CYP20A1: variants seen among roughly 807,000 people sequenced by gnomAD.
The protein encoded by CYP20A1 is cytochrome P450 20A1.
In CYP20A1, 61 loss-of-function variants were observed where a neutral mutation model predicts 61.4. That is an observed-to-expected ratio of 0.99 (90% CI 0.81 to 1.23). The LOEUF (loss-of-function observed/expected upper bound fraction) is 1.23, where lower values mean the gene tolerates loss of function less well. CYP20A1 is among the 50% of genes most tolerant of loss of function. CYP20A1 has a pLI of 0.00. For synonymous variants in CYP20A1, 193 were observed against 188.2 expected (o/e 1.03, Z -0.21); for missense variants, 530 against 542.4 (o/e 0.98, Z 0.23).
At chr2:203,244,819 G>A (rs891330817) in intron 1 of CYP20A1, among the ~76,000 whole-genome samples, 4 of 147,110 alleles carry the variant, frequency 2.7e-5, no homozygotes, top group East Asian at 4.0e-4. Context: ...TGCAAGCTCC[G>A]CCTCCCAGGT....
In CYP20A1 at chr2:203,305,194, C is replaced by A. The variant is rs200824254; in HGVS notation, c.*8286C>A. On this transcript the variant is annotated 3_prime_UTR_variant, in exon 13 of 13. Transcript: ENST00000356079. ...AATTGGTTTACAGTTCGGTGGCTGT[C>A]TTTTTTTTTTTTTTTTTTTTTTTTT... is the stretch of plus-strand genomic sequence containing the variant. Among the ~76,000 whole-genome samples, 1 of 56,896 alleles carries A rather than the reference C, an allele frequency of 1.8e-5. No homozygotes were observed. Among genetic ancestry groups the A allele is most frequent in the Non-Finnish European group, 2.9e-5 (1 of 34,110 alleles). The allele number at this position is 56,896 out of a possible 152,430, so 37.3% of individuals were successfully genotyped here.
intron 4 of CYP20A1, among the ~76,000 whole-genome samples, chr2:203,264,839 C>T (rs2067264310): frequency 6.6e-6 from 1 of 152,108 alleles, no homozygotes; most frequent in Non-Finnish European, 1.5e-5. Context: ...ATGCCATTCT[C>T]CTGCCTCAGC....
rs2068926266 is a variant in CYP20A1 at position 203,299,126 on chromosome 2, A to G, written c.*2218A>G. 6.6e-6 allele frequency among the ~76,000 whole-genome samples: 1 copy of G among 152,182 alleles called. No individual in the cohort carries two copies. The highest frequency in any genetic ancestry group is 2.4e-5 in the African/African-American group (1 of 41,460). On this transcript the variant is annotated 3_prime_UTR_variant, in exon 13 of 13. Coordinates refer to ENST00000356079, the MANE Select transcript of CYP20A1 (RefSeq NM_177538.3). Reference sequence around the variant, plus strand: ...TAATACTTTACTGATAGCATTGTATATTAGTCCAACTTTTTTGGCTACACT... The same window carrying G: ...TAATACTTTACTGATAGCATTGTATGTTAGTCCAACTTTTTTGGCTACACT...
intron 1 of CYP20A1, among the ~76,000 whole-genome samples, chr2:203,245,591 G>T (rs529966395): frequency 6.6e-5 from 10 of 152,062 alleles, no homozygotes; most frequent in Non-Finnish European, 1.5e-4. Flanking sequence ...AGAACATGTA[G>T]TATTTGATTT....
At chr2:203,285,315 T>C (rs2068219649) in intron 8 of CYP20A1, among the ~76,000 whole-genome samples, 1 of 152,148 alleles carries the variant, frequency 6.6e-6, no homozygotes, top group Admixed American at 6.6e-5. Context: ...TTATTTATTA[T>C]CATAACTATT....
At position 203,303,250 on chromosome 2, in the gene CYP20A1, A is replaced by G. The variant is rs2069093315; in HGVS notation, c.*6342A>G. Among the ~76,000 whole-genome samples, 1 of 149,216 alleles carries G rather than the reference A, an allele frequency of 6.7e-6. No homozygotes were observed. On this transcript the variant is annotated 3_prime_UTR_variant, in exon 13 of 13. Transcript: ENST00000356079. ...GAACTCCTAACCTCAGGTGATTCAC[A>G]CCCCTTGGCCTCCTGAAGTGCTGGG...
At chr2:203,283,440 A>G (rs1422139237) in intron 8 of CYP20A1, among the ~76,000 whole-genome samples, 7 of 150,370 alleles carry the variant, frequency 4.7e-5, no homozygotes, top group East Asian at 2.0e-4. Context: ...CTGATCTCGA[A>G]CTCCTGACCT....
chr2:203,268,800 T>C (rs1171685396), intron 5 of CYP20A1, among the ~76,000 whole-genome samples: 1 of 152,152 alleles, frequency 6.6e-6, no homozygotes, highest in East Asian at 1.9e-4. Flanking sequence ...AGTGATTTCT[T>C]ACCCTCCTGC....
chr2:203,247,086 C>G (rs2066488264), intron 3 of CYP20A1, among the ~76,000 whole-genome samples, 165 bp downstream of exon 3: 1 of 151,892 alleles, frequency 6.6e-6, no homozygotes, highest in East Asian at 1.9e-4. Context: ...CATGGTGAAA[C>G]CCCTTCTCTA....
intron 4 of CYP20A1, among the ~76,000 whole-genome samples, chr2:203,261,740 A>G (rs10174606): frequency 0.92 from 140,236 of 151,692 alleles, 65,086 homozygotes; most frequent in Non-Finnish European, 0.96. Flanking sequence ...CACAGCTGCT[A>G]TGAATGGCAG....
At chr2:203,273,211 G>A (rs115779136) in intron 6 of CYP20A1, among the ~76,000 whole-genome samples, 2 of 152,094 alleles carry the variant, frequency 1.3e-5, no homozygotes, top group South Asian at 4.1e-4. Context: ...TTTAACAGAA[G>A]CGAGGAAAAA....
At chr2:203,295,669 C>A (rs1020311954) in intron 11 of CYP20A1, among the ~76,000 whole-genome samples, 1 of 152,004 alleles carries the variant, frequency 6.6e-6, no homozygotes, top group Admixed American at 6.6e-5. Flanking sequence ...TAAAGTAGGC[C>A]GGGTGCCGTG....
intron 3 of CYP20A1, among the ~76,000 whole-genome samples, chr2:203,248,631 C>G (rs774853413): frequency 1.3e-5 from 2 of 152,086 alleles, no homozygotes; most frequent in Non-Finnish European, 2.9e-5. Context: ...ATAAAGATAG[C>G]ATTTTATGAC....
At chr2:203,255,163 T>G (rs1284620654) in intron 4 of CYP20A1, among the ~76,000 whole-genome samples, 1 of 152,168 alleles carries the variant, frequency 6.6e-6, no homozygotes, top group Non-Finnish European at 1.5e-5. Flanking sequence ...CTCTTTCCCC[T>G]TTCCTTCCCA....
At position 203,292,325 on chromosome 2, in the gene CYP20A1, A is replaced by C. The variant is rs865876184; in HGVS notation, c.1147A>C (p.Lys383Gln). The change falls in exon 11 of 13, where the codon AAG (lysine) becomes CAG (glutamine). Residue 383 changes from lysine (K) to glutamine (Q), a missense_variant and splice_region_variant. By Grantham distance (53) the Lys-to-Gln change is moderately conservative (BLOSUM62 1). Transcript: ENST00000356079. ...TCCTAATACTTGGCCATCTCCACACAAGTATGAAATATTTGTCATTGTATT... is the reference window on the plus strand; with the variant it reads ...TCCTAATACTTGGCCATCTCCACACCAGTATGAAATATTTGTCATTGTATT... Reference protein sequence around the residue: ...QDPNTWPSPHKFDPDRFDDEL... With the variant: ...QDPNTWPSPHQFDPDRFDDEL... The C allele has an allele frequency of 6.2e-7, 1 of 1,607,654 alleles. No homozygotes were observed. The highest frequency in any genetic ancestry group is 1.7e-4 in the Middle Eastern group (1 of 6,056).
chr2:203,243,136 T>C (rs1425055028), intron 1 of CYP20A1, among the ~76,000 whole-genome samples: 1 of 152,190 alleles, frequency 6.6e-6, no homozygotes, highest in African/African-American at 2.4e-5. Flanking sequence ...CACCAATAAC[T>C]GATAATCTCT....
chr2:203,276,513 CAAGAAAAAAAAAAGGAGG>C (rs1220879532), intron 6 of CYP20A1, among the ~76,000 whole-genome samples: 4 of 148,572 alleles, frequency 2.7e-5, no homozygotes, highest in South Asian at 2.1e-4. Flanking sequence ...AAATATAGAA[CAAGAAAAAAAAAAGGAGG>C]AAGAAAATAA....
At chr2:203,243,967 G>A (rs1011080346) in intron 1 of CYP20A1, among the ~76,000 whole-genome samples, 2 of 152,050 alleles carry the variant, frequency 1.3e-5, no homozygotes, top group African/African-American at 4.8e-5. Flanking sequence ...TGGGATTATC[G>A]ATGCAAGCCA....
At chr2:203,244,125 G>C (rs757581851) in intron 1 of CYP20A1, among the ~76,000 whole-genome samples, 1 of 150,790 alleles carries the variant, frequency 6.6e-6, no homozygotes, top group Admixed American at 6.6e-5. Context: ...AAATGCCCCC[G>C]CCCCCCGTCT....
Sources: allele counts gnomAD v4.1 joint callset (sites outside exome capture counted in the v4.1 genomes callset), GRCh38; gene constraint gnomAD v4.1.1; transcripts MANE v1.5; gene names NCBI Gene and HGNC (gene_info 2026-07-23, HGNC 2026-07-21).